Variants in ATP6V1C1 observed in about 807,000 individuals in gnomAD.
The protein encoded by ATP6V1C1 is ATPase H+ transporting V1 subunit C1.
ATP6V1C1 carries 45 observed loss-of-function variants against 53.9 expected under a neutral mutation model. That is an observed-to-expected ratio of 0.83 (90% CI 0.66 to 1.07). The LOEUF is 1.07. ATP6V1C1 is among the 50% of genes least tolerant of loss of function. ATP6V1C1 has a pLI of 0.00. For missense variants in ATP6V1C1, 315 were observed against 440.3 expected (o/e 0.72, Z 2.55); for synonymous variants, 153 against 155.2 (o/e 0.99, Z 0.11).
At chr8:103,034,088 A>G (rs1446605305) in intron 1 of ATP6V1C1, among the ~76,000 whole-genome samples, 1 of 152,162 alleles carries the variant, frequency 6.6e-6, no homozygotes, top group Non-Finnish European at 1.5e-5. Context: ...TGGGCTGGAG[A>G]CATACATTTC....
At chr8:103,056,366 C>A (rs1182472074) in intron 8 of ATP6V1C1, among the ~76,000 whole-genome samples, 1 of 152,184 alleles carries the variant, frequency 6.6e-6, no homozygotes, top group African/African-American at 2.4e-5. Flanking sequence ...CCGTGTTGAT[C>A]TCCAGATGTT....
intron 1 of ATP6V1C1, among the ~76,000 whole-genome samples, chr8:103,024,775 A>G (rs915429566): frequency 6.6e-6 from 1 of 152,252 alleles, no homozygotes; most frequent in African/African-American, 2.4e-5. Flanking sequence ...GACATGAGTG[A>G]TTCTTGGAAC....
At chr8:103,064,279 A>G (rs909223336) in intron 10 of ATP6V1C1, among the ~76,000 whole-genome samples, 1 of 152,198 alleles carries the variant, frequency 6.6e-6, no homozygotes, top group African/African-American at 2.4e-5. Flanking sequence ...CTGTTAAATG[A>G]CTTGCCTACA....
rs893544338 is a variant in ATP6V1C1, at chr8:103,054,116, A to G, written c.572+134A>G. 8 of 611,774 alleles carry G rather than the reference A, an allele frequency of 1.3e-5. No homozygotes were observed. In the African/African-American group the frequency reaches 1.5e-4, roughly 12 times the overall value. The allele number at this position is 611,774 out of a possible 1,614,324, so 37.9% of individuals were successfully genotyped here. ...TAACCTTGCCATTCATTCTGTCATCAACATTTGCTCATGTGGCACATAAAG... is the reference window on the plus strand; with the variant it reads ...TAACCTTGCCATTCATTCTGTCATCGACATTTGCTCATGTGGCACATAAAG... On this transcript the variant is annotated intron_variant, in intron 7 of 12. Transcript: ENST00000518738.
intron 2 of ATP6V1C1, among the ~76,000 whole-genome samples, chr8:103,041,459 T>A (rs1816999372): frequency 6.6e-6 from 1 of 152,170 alleles, no homozygotes; most frequent in African/African-American, 2.4e-5. Flanking sequence ...GTAAAGCAGG[T>A]GTCCAGTAAT....
intron 1 of ATP6V1C1, among the ~76,000 whole-genome samples, chr8:103,040,117 CT>C (rs373324534): frequency 1.3e-5 from 2 of 150,968 alleles, no homozygotes; most frequent in South Asian, 2.1e-4. Flanking sequence ...AAAAGTTATG[CT>C]TTTTTTTTCT....
At chr8:103,052,094 G>T (rs781204416) in intron 5 of ATP6V1C1, among the ~76,000 whole-genome samples, 18 of 151,964 alleles carry the variant, frequency 1.2e-4, no homozygotes, top group Non-Finnish European at 1.8e-4. Flanking sequence ...TTAAGGATTT[G>T]ATCATCTGCT....
chr8:103,045,075 A>T (rs1445684901), intron 3 of ATP6V1C1, among the ~76,000 whole-genome samples: 1 of 152,238 alleles, frequency 6.6e-6, no homozygotes, highest in Non-Finnish European at 1.5e-5. Flanking sequence ...ATTTTATTTT[A>T]GAGTTTAGAT....
chr8:103,025,906 A>G (rs896653906), intron 1 of ATP6V1C1, among the ~76,000 whole-genome samples: 2 of 152,232 alleles, frequency 1.3e-5, no homozygotes, highest in African/African-American at 4.8e-5. Flanking sequence ...TTTCAGGCCA[A>G]AATACATTGT....
chr8:103,057,336 A>G (rs995852801), intron 8 of ATP6V1C1, among the ~76,000 whole-genome samples: 4 of 152,236 alleles, frequency 2.6e-5, no homozygotes, highest in African/African-American at 9.6e-5. Flanking sequence ...CTCCTGTGCA[A>G]ATATCTGATT....
chr8:103,036,907 A>T (rs1209988016), intron 1 of ATP6V1C1, among the ~76,000 whole-genome samples: 1 of 152,204 alleles, frequency 6.6e-6, no homozygotes, highest in African/African-American at 2.4e-5. Context: ...ATCCTTTGAT[A>T]TACTAACAGA....
chr8:103,026,550 A>T (rs1586305503), intron 1 of ATP6V1C1, among the ~76,000 whole-genome samples: 3 of 152,218 alleles, frequency 2.0e-5, no homozygotes, highest in Non-Finnish European at 2.9e-5. Context: ...TCACGCCTGT[A>T]ATCCCAGCAC....
chr8:103,067,175 G>C (rs1001362586), intron 12 of ATP6V1C1, among the ~76,000 whole-genome samples: 12 of 152,012 alleles, frequency 7.9e-5, no homozygotes, highest in Non-Finnish European at 1.8e-4. Context: ...GAGGCGGGGG[G>C]ATCACCTTAA....
At position 103,038,814 on chromosome 8, in the gene ATP6V1C1, T is replaced by C. The variant is rs1416389458; in HGVS notation, c.-39-1984T>C. On this transcript the variant is annotated intron_variant, in intron 1 of 12. Transcript: ENST00000518738. ...GAAGATTTTGCTTTTGCTTCTGTTT[T>C]GAAATCAAAACTTATCTTTGGATGG... Among the ~76,000 whole-genome samples the C allele has an allele frequency of 2.6e-5, 4 of 152,354 alleles. No individual in the cohort carries two copies. In the East Asian group the frequency reaches 7.7e-4, roughly 29 times the overall value.
rs774191189 is a variant in ATP6V1C1 at position 103,040,973 on chromosome 8, A to C, written c.132+5A>C. ...TTCAATATTCCTGACTTAAAGGTGA[A>C]GCTGCACTGTGCAAAATTATATATG... On this transcript the variant is annotated splice_donor_5th_base_variant and intron_variant, in intron 2 of 12. Coordinates refer to ENST00000518738, the MANE Select transcript of ATP6V1C1 (RefSeq NM_001695.5). 1 of 1,613,794 alleles carries C rather than the reference A, an allele frequency of 6.2e-7. No individual in the cohort carries two copies. The highest frequency in any genetic ancestry group is 1.1e-5 in the South Asian group (1 of 91,038).
At chr8:103,024,338 A>G (rs1816658724) in intron 1 of ATP6V1C1, among the ~76,000 whole-genome samples, 3 of 152,224 alleles carry the variant, frequency 2.0e-5, no homozygotes, top group Admixed American at 2.0e-4. Flanking sequence ...AGCCTCATGT[A>G]CATTAGTTTT....
At chr8:103,029,263 T>C (rs1351578000) in intron 1 of ATP6V1C1, among the ~76,000 whole-genome samples, 1 of 143,378 alleles carries the variant, frequency 7.0e-6, no homozygotes, top group Non-Finnish European at 1.5e-5. Flanking sequence ...CTTCCTTCCT[T>C]CTTTTCTCTC....
In ATP6V1C1 at chr8:103,064,754, C is replaced by T; in HGVS notation, c.869C>T (p.Ala290Val). Reference protein sequence around the residue: ...VRWLKVNFSEAFIAWIHVKAL... With the variant: ...VRWLKVNFSEVFIAWIHVKAL... ...TGGCTGAAAGTGAATTTTAGTGAAG[C>T]ATTTATTGCATGGATTCACGTGAAA... The change falls in exon 11 of 13, where the codon GCA becomes GTA. Residue 290 changes from alanine (A) to valine (V), a missense_variant. Transcript: ENST00000518738. 2.5e-6 allele frequency: 4 copies of T among 1,613,406 alleles called. No individual in the cohort carries two copies. Among genetic ancestry groups the T allele is most frequent in the African/African-American group, 1.3e-5 (1 of 75,010 alleles).
intron 5 of ATP6V1C1, 72 bp from the exon 6 acceptor site, chr8:103,052,659 C>T (rs1015414833): frequency 4.0e-6 from 3 of 745,128 alleles, no homozygotes; most frequent in Non-Finnish European, 6.0e-6. Context: ...TAAAGTTTAG[C>T]TACTTTGATA....
Sources: allele counts gnomAD v4.1 joint callset (sites outside exome capture counted in the v4.1 genomes callset), GRCh38; gene constraint gnomAD v4.1.1; transcripts MANE v1.5; gene names NCBI Gene and HGNC (gene_info 2026-07-23, HGNC 2026-07-21).